The following GGT1 variants were observed in gnomAD, a reference collection of about 807,000 sequenced individuals.
GGT1 encodes glutathione hydrolase 1 proenzyme.
A neutral mutation model predicts 56.0 loss-of-function variants in GGT1; 21 were observed. That is an observed-to-expected ratio of 0.38 (90% CI 0.27 to 0.54). The LOEUF (loss-of-function observed/expected upper bound fraction) is 0.54. GGT1 is among the 20% of genes least tolerant of loss of function. GGT1 has a pLI of 0.82. For missense variants in GGT1, 466 were observed against 787.0 expected (o/e 0.59, Z 4.88); for synonymous variants, 238 against 342.6 (o/e 0.69, Z 3.37).
chr22:24,603,255 G>C lies in GGT1; in HGVS notation c.-701G>C, dbSNP rs1354367677. Reference sequence around the variant, plus strand: ...GGTGAGCCCAGAAGTGAGAGCAGTTGGCTGTGCCCCAGTGCTGTGTGACCC... The same window carrying C: ...GGTGAGCCCAGAAGTGAGAGCAGTTCGCTGTGCCCCAGTGCTGTGTGACCC... On this transcript the variant is annotated 5_prime_UTR_variant, in exon 1 of 16. Transcript: ENST00000400382. 1 of 152,366 alleles carries C rather than the reference G, an allele frequency of 6.6e-6. No individual in the cohort carries two copies. The highest frequency in any genetic ancestry group is 1.5e-5 in the Non-Finnish European group (1 of 68,176). 9.4% of individuals were successfully genotyped at this position (152,366 alleles called of 1,614,324 possible). A position where few individuals can be genotyped will look rare whatever the true frequency, so the allele number is the denominator to read the frequency against.
upstream of GGT1, among the ~76,000 whole-genome samples, chr22:24,593,576 A>G (rs1449069070): frequency 6.6e-6 from 1 of 152,018 alleles, no homozygotes; most frequent in African/African-American, 2.4e-5. Flanking sequence ...ATCTAAGGTC[A>G]GGAGTTCAAG....
upstream of GGT1, among the ~76,000 whole-genome samples, chr22:24,593,694 G>C (rs913622963): frequency 6.6e-6 from 1 of 151,996 alleles, no homozygotes; most frequent in African/African-American, 2.4e-5. Context: ...GGTTGAGGTA[G>C]GAGAATCAAT....
rs146555870 is a variant in GGT1, at chr22:24,607,118, C to T, written c.-428-836C>T. Reference sequence around the variant, plus strand: ...CACTGCTGGGCTCTGTGAGCTTGGGCCAGCTCAGGCCCTCTCTGGGCCCTG... The same window carrying T: ...CACTGCTGGGCTCTGTGAGCTTGGGTCAGCTCAGGCCCTCTCTGGGCCCTG... On this transcript the variant is annotated intron_variant, in intron 1 of 15. Transcript: ENST00000400382. Among the ~76,000 whole-genome samples the T allele has an allele frequency of 6.6e-3, 1,005 of 152,318 alleles. 5 individuals carry two copies. The highest frequency in any genetic ancestry group is 0.02 in the Middle Eastern group (6 of 294).
intron 7 of GGT1, among the ~76,000 whole-genome samples, chr22:24,617,872 G>A (rs752048823): frequency 5.8e-4 from 88 of 151,904 alleles, no homozygotes; most frequent in Non-Finnish European, 1.2e-3. Context: ...AGACAGAGGG[G>A]AGAGTAGGAG....
upstream of GGT1, among the ~76,000 whole-genome samples, chr22:24,600,169 A>G (rs1275592878): frequency 2.0e-5 from 3 of 152,178 alleles, no homozygotes; most frequent in African/African-American, 4.8e-5. Context: ...GCTCATCAGG[A>G]AAGGGGAGAA....
At chr22:24,599,534 C>T (rs554603292), upstream of GGT1, 74 of 152,812 alleles carry the variant, frequency 4.8e-4, 1 homozygote, top group South Asian at 8.3e-4. Flanking sequence ...TTGGGAGTCT[C>T]CAGGTGAGAG....
chr22:24,611,543 CATCTATCTATCTATCTATCTATCT>C (rs60405110), intron 5 of GGT1, among the ~76,000 whole-genome samples: 41 of 119,512 alleles, frequency 3.4e-4, no homozygotes, highest in East Asian at 7.3e-4. Flanking sequence ...ATCTATCTAT[CATCTATCTATCTATCTATCTATCT>C]ATCTATCTAT....
chr22:24,605,088 T>TTATATAATATGTAATATATTATATAA (rs1569047706), intron 1 of GGT1, among the ~76,000 whole-genome samples: 162 of 9,708 alleles, frequency 0.017, 73 homozygotes, highest in Middle Eastern at 0.053. Context: ...ATAAAGTATA[T>TTATATAATATGTAATATATTATATAA]TATATAATAT....
At position 24,607,827 on chromosome 22, in the gene GGT1, G is replaced by GC; in HGVS notation, c.-428-122dup. 3 of 326,228 alleles carry GC rather than the reference G, an allele frequency of 9.2e-6. No individual in the cohort carries two copies. In the Middle Eastern group the frequency reaches 3.7e-3, roughly 407 times the overall value. 20.2% of individuals were successfully genotyped at this position (326,228 alleles called of 1,614,324 possible). ...CCCAGATCCCAGTCCCAATTCGGAG[G>GC]CCCCCTGAGGAGTGCTGCAGGGGGC... On this transcript the variant is annotated intron_variant, in intron 1 of 15. Transcript: ENST00000400382.
upstream of GGT1, chr22:24,593,101 G>T: frequency 9.7e-7 from 1 of 1,034,196 alleles, no homozygotes; most frequent in Non-Finnish European, 1.2e-6. Context: ...CCGCTCCCGG[G>T]GCCGCCCCTA....
chr22:24,590,371 A>T (rs1408503399), upstream of GGT1, among the ~76,000 whole-genome samples: 2 of 152,092 alleles, frequency 1.3e-5, no homozygotes, highest in Non-Finnish European at 2.9e-5. Context: ...GGCTCAAGCG[A>T]TCCTCCCAAA....
At chr22:24,618,947 T>G (rs1293470479) in intron 7 of GGT1, among the ~76,000 whole-genome samples, 1 of 152,068 alleles carries the variant, frequency 6.6e-6, no homozygotes, top group Non-Finnish European at 1.5e-5. Flanking sequence ...TCCAATGACC[T>G]CCTCAAAAGT....
intron 11 of GGT1, 50 bp from the exon 12 acceptor site, chr22:24,627,382 T>TGGCCC: frequency 2.1e-4 from 122 of 580,384 alleles, no homozygotes; most frequent in Middle Eastern, 5.6e-4. Context: ...CTGTGCCCCC[T>TGGCCC]CCCCACCCTC....
intron 5 of GGT1, among the ~76,000 whole-genome samples, chr22:24,611,833 G>A (rs923271916): frequency 4.0e-5 from 6 of 148,820 alleles, no homozygotes; most frequent in Admixed American, 2.0e-4. Context: ...CCAAGACAGA[G>A]TATCGCTCTG....
At chr22:24,604,085 T>A (rs1275941031) in intron 1 of GGT1, among the ~76,000 whole-genome samples, 3 of 151,226 alleles carry the variant, frequency 2.0e-5, no homozygotes, top group Non-Finnish European at 2.9e-5. Context: ...ACTCCACGTC[T>A]GGGTAGTAAG....
Position 24,620,026 on chromosome 22 carries a change from C to A in GGT1, c.383-302C>A, listed in dbSNP as rs1373696428. Among the ~76,000 whole-genome samples, 9 of 126,754 alleles carry A rather than the reference C, an allele frequency of 7.1e-5. No homozygotes were observed. The highest frequency in any genetic ancestry group is 6.6e-4 in the East Asian group (3 of 4,548). 83.2% of individuals were successfully genotyped at this position (126,754 alleles called of 152,430 possible). ...TTAAACATCCCCTCCTAAAAAAAAA[C>A]AATTAAAATTAAAAAATAAATTTAA... On this transcript the variant is annotated intron_variant, in intron 7 of 15. Coordinates refer to ENST00000400382, the MANE Select transcript of GGT1 (RefSeq NM_001288833.2). The surrounding 1 kb of genome is among the most constrained non-coding windows in gnomAD (Gnocchi z 5.6).
chr22:24,612,683 C>T (rs137938257), intron 5 of GGT1, among the ~76,000 whole-genome samples: 17,598 of 152,070 alleles, frequency 0.12, 1,348 homozygotes, highest in South Asian at 0.18. Context: ...TCCGCCACCA[C>T]GCCCGGCTAA....
Position 24,607,588 on chromosome 22 carries a change from C to T in GGT1, c.-428-366C>T, listed in dbSNP as rs185143678. 534 of 158,178 alleles carry T rather than the reference C, an allele frequency of 3.4e-3. 1 individual carries two copies. Among genetic ancestry groups the T allele is most frequent in the African/African-American group, 0.012 (512 of 41,634 alleles). The allele number at this position is 158,178 out of a possible 1,614,324, so 9.8% of individuals were successfully genotyped here. On this transcript the variant is annotated intron_variant, in intron 1 of 15. Coordinates refer to ENST00000400382, the MANE Select transcript of GGT1 (RefSeq NM_001288833.2). ...GTCACCATGCCAAGTCACTGTGCGC[C>T]TCCTTGCTGCTGTGACGTCAGCTTC...
At chr22:24,594,397 G>GTGTGTA (rs1256176470), upstream of GGT1, among the ~76,000 whole-genome samples, 6 of 150,602 alleles carry the variant, frequency 4.0e-5, no homozygotes, top group Non-Finnish European at 8.9e-5. Context: ...GTGTATGTGT[G>GTGTGTA]TGTGTGTGTG....
Sources: allele counts gnomAD v4.1 joint callset (sites outside exome capture counted in the v4.1 genomes callset), GRCh38; gene constraint gnomAD v4.1.1; non-coding constraint Gnocchi (gnomAD v3.1); transcripts MANE v1.5; gene names NCBI Gene and HGNC (gene_info 2026-07-23, HGNC 2026-07-21).